AMPH: variants seen among roughly 807,000 people sequenced by gnomAD.
AMPH encodes amphiphysin (Stiff-Mann syndrome with breast cancer 128kD autoantigen).
Under a neutral mutation model 99.1 loss-of-function variants are expected in AMPH, and 49 were observed. The ratio of observed to expected loss-of-function variants is 0.49; its 90% CI spans 0.39 to 0.63. AMPH has a LOEUF of 0.63. Ranked by LOEUF, AMPH falls within the 20% of genes least tolerant of loss-of-function variation. The probability of loss-of-function intolerance (pLI) is 0.00; values close to 1 mark genes in which losing one functional copy is unlikely to be tolerated. For synonymous variants in AMPH, 314 were observed against 317.3 expected (o/e 0.99, Z 0.11); for missense variants, 759 against 863.4 (o/e 0.88, Z 1.52).
rs75927285 is a variant in AMPH at position 38,585,661 on chromosome 7, T to C, written c.69+45622A>G. The stretch of plus-strand genomic sequence containing the variant: ...AAATTTAGCCTAAGCTTTTAATACA[T>C]GGATCTGTCCAATAGCCTCACGGTC... On this transcript the variant is annotated intron_variant, in intron 1 of 20. Coordinates refer to ENST00000356264, the MANE Select transcript of AMPH (RefSeq NM_001635.4). Among the ~76,000 whole-genome samples, 1,478 of 152,368 alleles carry C rather than the reference T, an allele frequency of 9.7e-3. 12 individuals are homozygous for C. Among genetic ancestry groups the C allele is most frequent in the Non-Finnish European group, 0.015 (1,016 of 68,030 alleles).
At chr7:38,621,990 A>C (rs1028282126) in intron 1 of AMPH, among the ~76,000 whole-genome samples, 5 of 152,216 alleles carry the variant, frequency 3.3e-5, no homozygotes, top group African/African-American at 1.2e-4. Flanking sequence ...GCAGTCTCAG[A>C]AAATCGTGAT....
intron 4 of AMPH, among the ~76,000 whole-genome samples, chr7:38,492,430 C>T (rs369656453): frequency 5.9e-5 from 9 of 152,282 alleles, no homozygotes; most frequent in Non-Finnish European, 1.0e-4. Flanking sequence ...CCTGGACTGC[C>T]GACCTTTAAA....
chr7:38,460,468 A>G (rs1276950812), intron 11 of AMPH, among the ~76,000 whole-genome samples: 2 of 152,236 alleles, frequency 1.3e-5, no homozygotes, highest in Non-Finnish European at 2.9e-5. Flanking sequence ...AAATGGATAT[A>G]GAAAATGTGG....
chr7:38,620,544 T>TAC (rs1348103863), intron 1 of AMPH, among the ~76,000 whole-genome samples: 1,896 of 110,930 alleles, frequency 0.017, 24 homozygotes, highest in Admixed American at 0.044. Flanking sequence ...TATATATACA[T>TAC]ACATACACAC....
chr7:38,453,656 C>A (rs1304828063), intron 11 of AMPH, among the ~76,000 whole-genome samples: 1 of 152,196 alleles, frequency 6.6e-6, no homozygotes, highest in Non-Finnish European at 1.5e-5. Context: ...AAGAACACTT[C>A]TGAACCTCAT....
intron 1 of AMPH, among the ~76,000 whole-genome samples, chr7:38,610,382 G>GAAAA (rs1793637021): frequency 2.2e-4 from 5 of 22,974 alleles, no homozygotes; most frequent in Admixed American, 8.8e-4. Context: ...AGAAAGGAAA[G>GAAAA]GAAAAGAAAA....
intron 2 of AMPH, among the ~76,000 whole-genome samples, chr7:38,527,078 G>T (rs1165877408): frequency 6.6e-6 from 1 of 152,204 alleles, no homozygotes; most frequent in African/African-American, 2.4e-5. Flanking sequence ...GCATATTTGT[G>T]TGGGTCTATT....
intron 2 of AMPH, among the ~76,000 whole-genome samples, chr7:38,534,268 G>A (rs1449594658): frequency 6.6e-6 from 1 of 152,082 alleles, no homozygotes. Flanking sequence ...CTTGAAGCAT[G>A]CAACAATTAA....
chr7:38,572,046 C>T (rs552819723), intron 1 of AMPH, among the ~76,000 whole-genome samples: 88 of 152,136 alleles, frequency 5.8e-4, no homozygotes, highest in Non-Finnish European at 1.0e-3. Flanking sequence ...GCTGGGATTA[C>T]AGGCATGTGC....
chr7:38,501,594 C>T (rs1396901540), intron 3 of AMPH, among the ~76,000 whole-genome samples: 4 of 152,000 alleles, frequency 2.6e-5, no homozygotes, highest in Non-Finnish European at 5.9e-5. Context: ...TCATAAATAT[C>T]TTTTAGTTTA....
At chr7:38,575,050 C>T (rs1324075295) in intron 1 of AMPH, among the ~76,000 whole-genome samples, 2 of 48,248 alleles carry the variant, frequency 4.1e-5, no homozygotes, top group Admixed American at 1.9e-4. Flanking sequence ...GAGACTCTGT[C>T]TAAAAAAAAA....
At chr7:38,536,399 A>C (rs1444407109) in intron 1 of AMPH, among the ~76,000 whole-genome samples, 1 of 152,238 alleles carries the variant, frequency 6.6e-6, no homozygotes, top group African/African-American at 2.4e-5. Flanking sequence ...TTAATAAATA[A>C]ACCTAAGTAT....
At chr7:38,627,073 T>C (rs2129072973) in intron 1 of AMPH, among the ~76,000 whole-genome samples, 1 of 152,006 alleles carries the variant, frequency 6.6e-6, no homozygotes, top group South Asian at 2.1e-4. Flanking sequence ...CCACTAAGAG[T>C]CCATATCGTT....
At chr7:38,534,220 G>A (rs1052815626) in intron 2 of AMPH, among the ~76,000 whole-genome samples, 28 of 151,682 alleles carry the variant, frequency 1.8e-4, no homozygotes, top group Admixed American at 1.8e-3. Flanking sequence ...AGCCCCTTAG[G>A]GAAGATATTA....
chr7:38,548,046 T>G (rs1791050902), intron 1 of AMPH, among the ~76,000 whole-genome samples: 1 of 88,796 alleles, frequency 1.1e-5, no homozygotes, highest in Admixed American at 1.1e-4. Flanking sequence ...TTTTTTTTTT[T>G]GTGACAGAGT....
chr7:38,396,637 T>C (rs1410544873), intron 17 of AMPH, among the ~76,000 whole-genome samples: 1 of 152,248 alleles, frequency 6.6e-6, no homozygotes, highest in Non-Finnish European at 1.5e-5. Flanking sequence ...AGGGTTTATA[T>C]TTTGGCAAAT....
At chr7:38,416,641 T>C (rs890371688) in intron 17 of AMPH, among the ~76,000 whole-genome samples, 1 of 152,210 alleles carries the variant, frequency 6.6e-6, no homozygotes, top group Non-Finnish European at 1.5e-5. Context: ...CATTTTTCCC[T>C]TCCTTTGTTA....
At chr7:38,497,550 A>C (rs950353509) in intron 3 of AMPH, among the ~76,000 whole-genome samples, 1 of 152,200 alleles carries the variant, frequency 6.6e-6, no homozygotes, top group African/African-American at 2.4e-5. Context: ...AGATTGCACT[A>C]CTTTATAAGT....
chr7:38,468,418 A>C (rs1387373060), intron 7 of AMPH, among the ~76,000 whole-genome samples: 1 of 152,220 alleles, frequency 6.6e-6, no homozygotes, highest in Non-Finnish European at 1.5e-5. Flanking sequence ...AACAAAAAAG[A>C]AGTCCCATTC....
Sources: gnomAD v4.1 joint callset for allele counts (sites outside exome capture counted in the v4.1 genomes callset) on GRCh38, gnomAD v4.1.1 for gene constraint, MANE v1.5 for transcripts, NCBI Gene and HGNC (gene_info 2026-07-23, HGNC 2026-07-21) for gene names.